AAK1: variants seen among roughly 807,000 people sequenced by gnomAD.
AAK1 encodes AP2-associated protein kinase 1.
A neutral mutation model predicts 116.0 loss-of-function variants in AAK1; 37 were observed. The observed-to-expected ratio is 0.32, with a 90% CI of 0.25 to 0.42. AAK1 has a LOEUF of 0.42. Among genes scored for constraint, AAK1 ranks in the 10% least tolerant of loss-of-function variants. The pLI is 1.00. For synonymous variants in AAK1, 458 were observed against 439.9 expected (o/e 1.04, Z -0.51); for missense variants, 919 against 1,170.6 (o/e 0.79, Z 3.14).
intron 2 of AAK1, among the ~76,000 whole-genome samples, chr2:69,579,346 G>A (rs918124603): frequency 6.6e-6 from 1 of 152,140 alleles, no homozygotes; most frequent in Non-Finnish European, 1.5e-5. Context: ...TTGGGAGGCC[G>A]AGGTGGGAGA....
intron 2 of AAK1, among the ~76,000 whole-genome samples, chr2:69,596,308 C>T (rs1673284252): frequency 6.6e-6 from 1 of 150,960 alleles, no homozygotes; most frequent in South Asian, 2.1e-4. Context: ...GAGACCTTGG[C>T]CTCCCAGGTT....
At chr2:69,615,004 A>G (rs564955243) in intron 2 of AAK1, among the ~76,000 whole-genome samples, 1 of 152,270 alleles carries the variant, frequency 6.6e-6, no homozygotes, top group East Asian at 1.9e-4. Context: ...AGGTTAATTA[A>G]TCTCTACTGG....
chr2:69,522,951 A>G (rs1669854179), intron 10 of AAK1, among the ~76,000 whole-genome samples: 1 of 152,232 alleles, frequency 6.6e-6, no homozygotes, highest in Non-Finnish European at 1.5e-5. Flanking sequence ...AAAGAAAAAT[A>G]TATCTGAGTT....
intron 8 of AAK1, among the ~76,000 whole-genome samples, chr2:69,528,291 G>C (rs1184033235): frequency 6.6e-6 from 1 of 152,190 alleles, no homozygotes; most frequent in Admixed American, 6.5e-5. Flanking sequence ...CCTACTGTGA[G>C]ACCATTGGCA....
At chr2:69,638,524 C>T (rs1047142516) in intron 2 of AAK1, among the ~76,000 whole-genome samples, 1 of 152,202 alleles carries the variant, frequency 6.6e-6, no homozygotes, top group African/African-American at 2.4e-5. Flanking sequence ...AAGTGAGTAG[C>T]AAGCACCTCC....
At chr2:69,498,176 T>G (rs1019106522) in intron 16 of AAK1, among the ~76,000 whole-genome samples, 5 of 152,154 alleles carry the variant, frequency 3.3e-5, no homozygotes, top group Non-Finnish European at 7.4e-5. Flanking sequence ...CCTCTACTAA[T>G]CCCCTTGGCC....
At chr2:69,504,083 G>C (rs964109418) in intron 16 of AAK1, among the ~76,000 whole-genome samples, 2 of 151,864 alleles carry the variant, frequency 1.3e-5, no homozygotes, top group Non-Finnish European at 2.9e-5. Flanking sequence ...AAAAAATTAG[G>C]CTTCAAAATA....
intron 2 of AAK1, among the ~76,000 whole-genome samples, chr2:69,581,744 A>C (rs1672555588): frequency 6.6e-6 from 1 of 152,156 alleles, no homozygotes; most frequent in Admixed American, 6.5e-5. Context: ...TGGGAGGCTG[A>C]AGTGGGAAGA....
intron 3 of AAK1, among the ~76,000 whole-genome samples, chr2:69,548,717 G>A (rs1161719792): frequency 1.3e-5 from 2 of 151,906 alleles, no homozygotes; most frequent in African/African-American, 4.8e-5. Flanking sequence ...TGATTCTCCT[G>A]CCTCAGCCTC....
chr2:69,626,505 A>AC (rs1674905369), intron 2 of AAK1, among the ~76,000 whole-genome samples: 1 of 145,582 alleles, frequency 6.9e-6, no homozygotes, highest in East Asian at 2.0e-4. Flanking sequence ...TATTATTATT[A>AC]TTATTTTTTT....
rs1671981676 is a variant in AAK1, at chr2:69,568,803, A to G, written c.164-11825T>C. Among the ~76,000 whole-genome samples, 3 of 152,170 alleles carry G rather than the reference A, an allele frequency of 2.0e-5. No individual in the cohort carries two copies. In the South Asian group the frequency reaches 6.2e-4, roughly 31 times the overall value. On this transcript the variant is annotated intron_variant, in intron 2 of 21. Coordinates refer to ENST00000409085, the MANE Select transcript of AAK1 (RefSeq NM_014911.5). ...CTTAGCTCCCAACCATTAGTTACAG[A>G]GCATTCTAACTTAACTTCGTGTTAA...
rs1460685645 is a variant in AAK1 at position 69,459,791 on chromosome 2, A to C, written c.*16078T>G. ...GACTTCCAGGGACTTGAACAAAAAC[A>C]ATTCCCAACCACATACTACTTTTCA... On this transcript the variant is annotated 3_prime_UTR_variant, in exon 22 of 22. Coordinates refer to ENST00000409085, the MANE Select transcript of AAK1 (RefSeq NM_014911.5). 1 of 152,182 alleles carries C rather than the reference A, an allele frequency of 6.6e-6. No individual in the cohort carries two copies. Among genetic ancestry groups the C allele is most frequent in the Admixed American group, 6.5e-5 (1 of 15,280 alleles). The allele number at this position is 152,182 out of a possible 1,614,324, so 9.4% of individuals were successfully genotyped here.
At position 69,468,487 on chromosome 2, in the gene AAK1, T is replaced by G; in HGVS notation, c.*7382A>C. ...AGCACAATTTCTCATCTTCCAAAAC[T>G]ACCTTGAAAGTTGATGTTATTAAGC... is the stretch of plus-strand genomic sequence containing the variant. On this transcript the variant is annotated 3_prime_UTR_variant, in exon 22 of 22. Transcript: ENST00000409085. 1.0e-6 allele frequency: 1 copy of G among 985,398 alleles called. No homozygotes were observed. Among genetic ancestry groups the G allele is most frequent in the Non-Finnish European group, 1.2e-6 (1 of 829,918 alleles). 61.0% of individuals were successfully genotyped at this position (985,398 alleles called of 1,614,324 possible). A position where few individuals can be genotyped will look rare whatever the true frequency, so the allele number is the denominator to read the frequency against.
chr2:69,618,854 C>T (rs753087142), intron 2 of AAK1, among the ~76,000 whole-genome samples: 2 of 152,188 alleles, frequency 1.3e-5, no homozygotes, highest in Non-Finnish European at 2.9e-5. Flanking sequence ...TCTTAAACAT[C>T]AGTCTCCCCC....
intron 18 of AAK1, chr2:69,482,495 A>C: frequency 1.5e-6 from 1 of 655,486 alleles, no homozygotes; most frequent in Admixed American, 2.5e-5. Flanking sequence ...GATCCACTCT[A>C]GAAATCTCCA....
intron 2 of AAK1, among the ~76,000 whole-genome samples, chr2:69,596,742 C>G (rs113502434): frequency 1.1e-3 from 166 of 152,288 alleles, no homozygotes; most frequent in South Asian, 6.2e-3. Flanking sequence ...CTAGCAGTTC[C>G]CTGCTCAGGT....
intron 2 of AAK1, among the ~76,000 whole-genome samples, chr2:69,563,187 CA>C: frequency 6.6e-6 from 1 of 152,290 alleles, no homozygotes; most frequent in Non-Finnish European, 1.5e-5. Flanking sequence ...GCTCTATATT[CA>C]AACACTGAAT....
In AAK1 at chr2:69,482,803, A is replaced by G. The variant is rs761254925; in HGVS notation, c.2375T>C (p.Ile792Thr). 6.2e-7 allele frequency: 1 copy of G among 1,611,686 alleles called. No individual in the cohort carries two copies. The highest frequency in any genetic ancestry group is 8.5e-7 in the Non-Finnish European group (1 of 1,177,858). Residue 792 changes from isoleucine (I) to threonine (T), a missense_variant, in exon 18 of 22, where the codon ATT (isoleucine) becomes ACT (threonine). By Grantham distance (89) the Ile-to-Thr change is moderately conservative. This residue lies in a region of AAK1 where 263 missense variants were observed against 285.5 expected (regional missense o/e 0.92). Coordinates refer to ENST00000409085, the MANE Select transcript of AAK1 (RefSeq NM_014911.5). ...AGTGTCAGGAGATTTGAGTCCCTCA[A>G]TTAGTTTTTCTACGTTGGGCAGAGA... ...LQVPDAPEKLIEGLKSPDTSL... is the reference protein window; with the variant it reads ...LQVPDAPEKLTEGLKSPDTSL...
chr2:69,503,169 A>G (rs1035721690), intron 16 of AAK1, among the ~76,000 whole-genome samples: 1 of 152,234 alleles, frequency 6.6e-6, no homozygotes, highest in African/African-American at 2.4e-5. Context: ...CTATTTAAAA[A>G]TATCCAGATA....
Sources: allele counts gnomAD v4.1 joint callset (sites outside exome capture counted in the v4.1 genomes callset), GRCh38; gene constraint gnomAD v4.1.1; regional missense constraint gnomAD v4.1.1; transcripts MANE v1.5; gene names NCBI Gene and HGNC (gene_info 2026-07-23, HGNC 2026-07-21).